The following KALRN variants were observed in gnomAD, a reference collection of about 807,000 sequenced individuals.
KALRN encodes the protein kalirin.
A neutral mutation model predicts 353.7 loss-of-function variants in KALRN; 70 were observed. That is an observed-to-expected ratio of 0.20 (90% CI 0.16 to 0.24). The LOEUF is 0.24. Ranked by LOEUF, KALRN falls within the 10% of genes least tolerant of loss-of-function variation. KALRN has a pLI of 1.00. For missense variants in KALRN, 2,791 were observed against 3,756.7 expected (o/e 0.74, Z 6.72); for synonymous variants, 1,391 against 1,434.8 (o/e 0.97, Z 0.69).
chr3:124,181,924 A>G (rs2073650344), intron 1 of KALRN, among the ~76,000 whole-genome samples: 1 of 152,186 alleles, frequency 6.6e-6, no homozygotes, highest in Non-Finnish European at 1.5e-5. Flanking sequence ...GTAGCAGATC[A>G]GGGATAAACA....
At position 124,455,369 on chromosome 3, in the gene KALRN, G is replaced by C; in HGVS notation, c.3735+10G>C. On this transcript the variant is annotated intron_variant, in intron 22 of 59. Coordinates refer to ENST00000682506, the MANE Select transcript of KALRN (RefSeq NM_001388419.1). ...AGGAGTCAACACAGAGGTAGGCAGGGGTATTGTCCTCTGGGACATCCTCCC... is the reference window on the plus strand; with the variant it reads ...AGGAGTCAACACAGAGGTAGGCAGGCGTATTGTCCTCTGGGACATCCTCCC... 6.2e-7 allele frequency: 1 copy of C among 1,612,252 alleles called. No homozygotes were observed. The highest frequency in any genetic ancestry group is 8.5e-7 in the Non-Finnish European group (1 of 1,178,702).
At chr3:124,518,547 C>T (rs2066887423) in intron 33 of KALRN, 2 of 1,611,060 alleles carry the variant, frequency 1.2e-6, no homozygotes, top group African/African-American at 2.7e-5. Context: ...AATCACCCAC[C>T]TCTCTTGAGA....
At chr3:124,134,597 A>T (rs984942644) in intron 1 of KALRN, among the ~76,000 whole-genome samples, 3 of 152,208 alleles carry the variant, frequency 2.0e-5, no homozygotes, top group Non-Finnish European at 4.4e-5. Context: ...CAACCCACTG[A>T]GTGGGAGAAA....
intron 1 of KALRN, among the ~76,000 whole-genome samples, chr3:124,225,828 G>C (rs1013165934): frequency 5.3e-4 from 81 of 152,282 alleles, no homozygotes; most frequent in African/African-American, 1.9e-3. Flanking sequence ...AAGAGGGACA[G>C]CAGTAGAAAA....
chr3:124,202,309 G>GGTGC (rs1349437841), intron 1 of KALRN, among the ~76,000 whole-genome samples: 1 of 152,100 alleles, frequency 6.6e-6, no homozygotes, highest in Non-Finnish European at 1.5e-5. Flanking sequence ...GGATTGCAGT[G>GGTGC]GTGCGATCAC....
chr3:124,272,811 G>A (rs897152212), intron 5 of KALRN, among the ~76,000 whole-genome samples: 7 of 152,182 alleles, frequency 4.6e-5, no homozygotes, highest in African/African-American at 1.7e-4. Flanking sequence ...TATCTGCGCG[G>A]AGCTAAGTGC....
intron 34 of KALRN, among the ~76,000 whole-genome samples, chr3:124,567,850 C>T (rs917640672): frequency 6.6e-6 from 1 of 152,052 alleles, no homozygotes; most frequent in African/African-American, 2.4e-5. Flanking sequence ...TGGCATGCAC[C>T]TGTAGTCCCA....
chr3:124,621,912 T>C (rs2079312729), intron 34 of KALRN, among the ~76,000 whole-genome samples: 1 of 152,234 alleles, frequency 6.6e-6, no homozygotes, highest in Non-Finnish European at 1.5e-5. Flanking sequence ...CAAATATGGA[T>C]TTATCCATTG....
chr3:124,480,393 C>A (rs1382236640), intron 27 of KALRN, among the ~76,000 whole-genome samples: 1 of 152,140 alleles, frequency 6.6e-6, no homozygotes, highest in East Asian at 1.9e-4. Context: ...TCTCCTCCAC[C>A]CTTCTTCATA....
chr3:124,294,659 G>C (rs1020222089), intron 5 of KALRN, among the ~76,000 whole-genome samples: 31 of 150,360 alleles, frequency 2.1e-4, no homozygotes, highest in Admixed American at 3.3e-4. Context: ...CAAGTAGCTG[G>C]GATTACAGGC....
chr3:124,144,653 A>ATCCTCT (rs113115127), intron 1 of KALRN, among the ~76,000 whole-genome samples: 1 of 132,974 alleles, frequency 7.5e-6, no homozygotes, highest in Non-Finnish European at 1.6e-5. Flanking sequence ...CCTCTTCCTC[A>ATCCTCT]TCCTCTTCCT....
At chr3:124,596,207 G>A in intron 34 of KALRN, among the ~76,000 whole-genome samples, 1 of 148,684 alleles carries the variant, frequency 6.7e-6, no homozygotes, top group African/African-American at 2.5e-5. Context: ...AAAAGGACCA[G>A]GTGCAGTAGC....
intron 45 of KALRN, among the ~76,000 whole-genome samples, chr3:124,662,340 C>A (rs985811493): frequency 6.6e-6 from 1 of 151,628 alleles, no homozygotes; most frequent in Non-Finnish European, 1.5e-5. Flanking sequence ...AGAAGCTGGA[C>A]TCCAGTCACA....
At chr3:124,235,172 T>G (rs2079603317) in intron 3 of KALRN, among the ~76,000 whole-genome samples, 1 of 152,158 alleles carries the variant, frequency 6.6e-6, no homozygotes. Context: ...GACACTCAAC[T>G]CTGTATCACT....
chr3:124,251,727 G>T (rs560131932), intron 3 of KALRN, among the ~76,000 whole-genome samples: 1 of 152,182 alleles, frequency 6.6e-6, no homozygotes, highest in Admixed American at 6.5e-5. Context: ...TTGAAGACAA[G>T]TTGGGATTTG....
chr3:124,289,248 A>G (rs1337290042), intron 5 of KALRN, among the ~76,000 whole-genome samples: 4 of 152,182 alleles, frequency 2.6e-5, no homozygotes, highest in Admixed American at 6.5e-5. Flanking sequence ...TCTAAATGCC[A>G]TCAACATATG....
At chr3:124,678,553 T>G (rs1043264314) in intron 50 of KALRN, 2 of 290,604 alleles carry the variant, frequency 6.9e-6, no homozygotes, top group African/African-American at 2.2e-5. Flanking sequence ...CTCTTTATAC[T>G]GTGCAGATGT....
At chr3:124,677,245 G>T in intron 49 of KALRN, 1 of 167,750 alleles carries the variant, frequency 6.0e-6, no homozygotes, top group Non-Finnish European at 1.3e-5. Flanking sequence ...CTTCATTCAA[G>T]CTCTGTGACC....
At chr3:124,563,462 C>T (rs556047808) in intron 34 of KALRN, among the ~76,000 whole-genome samples, 4 of 152,280 alleles carry the variant, frequency 2.6e-5, no homozygotes, top group South Asian at 4.2e-4. Flanking sequence ...GACCCACTCC[C>T]GCTCCACAGC....
Sources: gnomAD v4.1 joint callset for allele counts (sites outside exome capture counted in the v4.1 genomes callset) on GRCh38, gnomAD v4.1.1 for gene constraint, MANE v1.5 for transcripts, NCBI Gene and HGNC (gene_info 2026-07-23, HGNC 2026-07-21) for gene names.